Variants in KDM2A observed in about 807,000 individuals in gnomAD.
The protein encoded by KDM2A is lysine-specific demethylase 2A.
A neutral mutation model predicts 137.3 loss-of-function variants in KDM2A; 3 were observed. That is an observed-to-expected ratio of 0.02 (90% CI 0.01 to 0.06). KDM2A has a LOEUF of 0.06. KDM2A is among the 10% of genes least tolerant of loss of function. The pLI is 1.00. For synonymous variants in KDM2A, 512 were observed against 541.5 expected, an observed-to-expected ratio of 0.95 and a Z score of 0.76; for missense variants, 738 against 1,510.6, an observed-to-expected ratio of 0.49 and a Z score of 8.48.
intron 5 of KDM2A, among the ~76,000 whole-genome samples, chr11:67,199,819 T>A (rs1857573753): frequency 6.6e-6 from 1 of 152,188 alleles, no homozygotes; most frequent in Admixed American, 6.6e-5. Flanking sequence ...TCCATGTAAA[T>A]GAAACAGCCT....
chr11:67,166,674 A>G (rs1277288122), intron 2 of KDM2A, among the ~76,000 whole-genome samples: 1 of 151,184 alleles, frequency 6.6e-6, no homozygotes, highest in Non-Finnish European at 1.5e-5. Context: ...GTAATGCAGT[A>G]TACAGATCAG....
intron 2 of KDM2A, among the ~76,000 whole-genome samples, chr11:67,121,975 T>A (rs1590696354): frequency 1.3e-5 from 2 of 152,352 alleles, no homozygotes; most frequent in East Asian, 3.9e-4. Context: ...GATTGGCTTA[T>A]ATCTGTATAT....
chr11:67,203,444 A>G (rs1857703722), intron 5 of KDM2A, among the ~76,000 whole-genome samples: 1 of 94,712 alleles, frequency 1.1e-5, no homozygotes, highest in African/African-American at 4.1e-5. Flanking sequence ...ATAATATATT[A>G]ATATAATTAT....
intron 2 of KDM2A, among the ~76,000 whole-genome samples, chr11:67,161,918 G>A (rs1182959743): frequency 6.6e-6 from 1 of 152,068 alleles, no homozygotes; most frequent in East Asian, 1.9e-4. Context: ...AAGGTAGTAG[G>A]TTTAATATAT....
intron 5 of KDM2A, among the ~76,000 whole-genome samples, chr11:67,205,628 G>T (rs542290604): frequency 2.6e-5 from 4 of 151,750 alleles, no homozygotes; most frequent in East Asian, 3.9e-4. Flanking sequence ...TTTTTGTTTT[G>T]TGTGTGTGTA....
At chr11:67,204,502 T>C (rs1857743110) in intron 5 of KDM2A, among the ~76,000 whole-genome samples, 1 of 151,808 alleles carries the variant, frequency 6.6e-6, no homozygotes, top group Non-Finnish European at 1.5e-5. Context: ...TTTCTTTTTT[T>C]TTTTTTTGAG....
At chr11:67,173,830 A>C (rs1159005685) in intron 2 of KDM2A, among the ~76,000 whole-genome samples, 1 of 152,116 alleles carries the variant, frequency 6.6e-6, no homozygotes, top group Non-Finnish European at 1.5e-5. Context: ...CTGCTGTCCC[A>C]GTCTCCTGAG....
intron 2 of KDM2A, among the ~76,000 whole-genome samples, chr11:67,145,060 CAG>C (rs1469638499): frequency 6.7e-6 from 1 of 149,168 alleles, no homozygotes; most frequent in African/African-American, 2.5e-5. Flanking sequence ...TTAGTAGAGA[CAG>C]GGTTTCACCA....
intron 11 of KDM2A, among the ~76,000 whole-genome samples, chr11:67,229,634 G>T (rs534516745): frequency 2.6e-5 from 4 of 152,210 alleles, no homozygotes; most frequent in African/African-American, 9.6e-5. Context: ...ACTTTGGGAG[G>T]CTGAGGCGGG....
At chr11:67,205,597 TTTTGTA>T (rs923880516) in intron 5 of KDM2A, among the ~76,000 whole-genome samples, 7 of 152,214 alleles carry the variant, frequency 4.6e-5, no homozygotes, top group East Asian at 3.9e-4. Context: ...CCAGCTAATT[TTTTGTA>T]TTTGTATTTG....
chr11:67,211,612 T>TC (rs1165636844), intron 6 of KDM2A, among the ~76,000 whole-genome samples: 3 of 5,768 alleles, frequency 5.2e-4, no homozygotes, highest in Admixed American at 4.3e-3. Context: ...AGACCCTGTC[T>TC]CAAAAAAAAA....
At chr11:67,225,894 G>A (rs1011822613) in intron 10 of KDM2A, among the ~76,000 whole-genome samples, 14 of 151,748 alleles carry the variant, frequency 9.2e-5, no homozygotes, top group South Asian at 6.2e-4. Flanking sequence ...GTGAAACCCC[G>A]TCTCTACTAA....
At chr11:67,195,480 C>G (rs962211498) in intron 5 of KDM2A, 2 of 151,100 alleles carry the variant, frequency 1.3e-5, no homozygotes, top group African/African-American at 4.9e-5. Flanking sequence ...TTCTATTTTC[C>G]AAATTTTATG....
intron 12 of KDM2A, among the ~76,000 whole-genome samples, chr11:67,234,609 C>T (rs1043578046): frequency 1.3e-5 from 2 of 152,186 alleles, no homozygotes; most frequent in African/African-American, 2.4e-5. Context: ...TGGCTCACAC[C>T]TCTTGTCCTA....
chr11:67,120,982 T>G (rs967111836), intron 1 of KDM2A, among the ~76,000 whole-genome samples: 2 of 152,024 alleles, frequency 1.3e-5, no homozygotes, highest in African/African-American at 4.8e-5. Context: ...GGGGAGAAAC[T>G]GGTGGTGTGG....
rs541510882 is a variant in KDM2A at position 67,251,008 on chromosome 11, G to A, written c.2768+210G>A. Among the ~76,000 whole-genome samples, 4 of 152,274 alleles carry A rather than the reference G, an allele frequency of 2.6e-5. No individual in the cohort carries two copies. In the East Asian group the frequency reaches 7.7e-4, roughly 29 times the overall value. Reference sequence around the variant, plus strand: ...TAGGGAACTGGCCATTTGCCTCCTGGCCCTGCTCTATACTTTCCCATGTCT... The same window carrying A: ...TAGGGAACTGGCCATTTGCCTCCTGACCCTGCTCTATACTTTCCCATGTCT... On this transcript the variant is annotated intron_variant, in intron 17 of 20. Coordinates refer to ENST00000529006, the MANE Select transcript of KDM2A (RefSeq NM_012308.3).
At chr11:67,213,586 T>C (rs1590791682) in intron 6 of KDM2A, among the ~76,000 whole-genome samples, 2 of 152,086 alleles carry the variant, frequency 1.3e-5, no homozygotes, top group African/African-American at 4.8e-5. Flanking sequence ...GGTGAAACCC[T>C]GTCTCTACTA....
intron 16 of KDM2A, chr11:67,248,602 T>G (rs538716711): frequency 2.6e-4 from 123 of 466,042 alleles, no homozygotes; most frequent in Non-Finnish European, 4.6e-4. Context: ...ATCTGCAAAT[T>G]CCTAAGGTCC....
intron 2 of KDM2A, among the ~76,000 whole-genome samples, chr11:67,142,407 T>C (rs1047351760): frequency 1.3e-5 from 2 of 149,932 alleles, no homozygotes; most frequent in African/African-American, 4.9e-5. Flanking sequence ...TCCCAGCACT[T>C]TGGGAGGCCA....
Sources: gnomAD v4.1 joint callset for allele counts (sites outside exome capture counted in the v4.1 genomes callset) on GRCh38, gnomAD v4.1.1 for gene constraint, MANE v1.5 for transcripts, NCBI Gene and HGNC (gene_info 2026-07-23, HGNC 2026-07-21) for gene names.